The following TXNDC16 variants were observed in gnomAD, a reference collection of about 807,000 sequenced individuals.
TXNDC16 encodes thioredoxin domain containing 16, also known as thioredoxin domain-containing protein 16.
Under a neutral mutation model 85.6 loss-of-function variants are expected in TXNDC16, and 74 were observed. That is an observed-to-expected ratio of 0.86 (90% CI 0.72 to 1.05). The LOEUF (loss-of-function observed/expected upper bound fraction) is 1.05, where lower values mean the gene tolerates loss of function less well. Among genes scored for constraint, TXNDC16 ranks in the 50% least tolerant of loss-of-function variants. The pLI is 0.00. For synonymous variants in TXNDC16, 335 were observed against 326.5 expected, an observed-to-expected ratio of 1.03 and a Z score of -0.28; for missense variants, 959 against 947.0, an observed-to-expected ratio of 1.01 and a Z score of -0.17.
intron 18 of TXNDC16, among the ~76,000 whole-genome samples, chr14:52,442,961 GA>G (rs1313165824): frequency 2.6e-5 from 4 of 152,144 alleles, no homozygotes; most frequent in Non-Finnish European, 4.4e-5. Flanking sequence ...ATGACAATAA[GA>G]AAACTTATTG....
At position 52,547,388 on chromosome 14, in the gene TXNDC16, A is replaced by G. The variant is rs542790467; in HGVS notation, c.-181-3017T>C. ...TGACATAAATACAGAAATGGAATGT[A>G]AATGTTTAGAACATTTTATAGCAAT... On this transcript the variant is annotated intron_variant, in intron 1 of 20. Coordinates refer to ENST00000281741, the MANE Select transcript of TXNDC16 (RefSeq NM_020784.3). 2.4e-4 allele frequency among the ~76,000 whole-genome samples: 36 copies of G among 152,348 alleles called. 1 individual carries two copies. The South Asian group carries it at 7.3e-3, about 31-fold the overall frequency.
chr14:52,494,683 G>T (rs1002491509), intron 9 of TXNDC16, among the ~76,000 whole-genome samples: 69 of 152,130 alleles, frequency 4.5e-4, no homozygotes, highest in Non-Finnish European at 8.8e-5. Context: ...CAAGAAAATG[G>T]GGCTTTATTG....
chr14:52,529,934 A>T (rs1372315109), intron 6 of TXNDC16, among the ~76,000 whole-genome samples: 1 of 109,976 alleles, frequency 9.1e-6, no homozygotes, highest in Non-Finnish European at 1.6e-5. Context: ...TATATATATT[A>T]TATATATGAA....
At chr14:52,461,524 T>C (rs774081902) in intron 16 of TXNDC16, among the ~76,000 whole-genome samples, 2 of 152,202 alleles carry the variant, frequency 1.3e-5, no homozygotes, top group Non-Finnish European at 2.9e-5. Context: ...ATGACACAGG[T>C]ACCCTCCTTA....
intron 9 of TXNDC16, among the ~76,000 whole-genome samples, chr14:52,494,749 T>C (rs2036492599): frequency 6.6e-6 from 1 of 152,228 alleles, no homozygotes; most frequent in South Asian, 2.1e-4. Flanking sequence ...ACATATATAT[T>C]TTTAAAATAT....
chr14:52,508,834 G>A lies in TXNDC16; in HGVS notation c.756+2406C>T, dbSNP rs1026835044. 5.3e-5 allele frequency among the ~76,000 whole-genome samples: 8 copies of A among 151,872 alleles called. No homozygotes were observed. The South Asian group carries it at 1.0e-3, about 20-fold the overall frequency. ...TGCAAGGACAAAAAAACCAAACACC[G>A]CATGTTCTTACTTATTGACAAAAGA... On this transcript the variant is annotated intron_variant, in intron 9 of 20. Coordinates refer to ENST00000281741, the MANE Select transcript of TXNDC16 (RefSeq NM_020784.3).
intron 15 of TXNDC16, 56 bp downstream of exon 15, chr14:52,470,456 T>C (rs2035879894): frequency 7.8e-6 from 12 of 1,536,188 alleles, no homozygotes; most frequent in Non-Finnish European, 1.1e-5. Context: ...GTCTGAGAAT[T>C]AGAACTTCTA....
intron 6 of TXNDC16, among the ~76,000 whole-genome samples, chr14:52,529,657 A>G (rs1289517833): frequency 2.8e-5 from 3 of 105,976 alleles, no homozygotes. Context: ...TATATTATAT[A>G]TAATGCCTAT....
At chr14:52,539,255 T>C (rs1220907861) in intron 4 of TXNDC16, among the ~76,000 whole-genome samples, 1 of 152,168 alleles carries the variant, frequency 6.6e-6, no homozygotes, top group African/African-American at 2.4e-5. Flanking sequence ...TCTGAAAAAG[T>C]GACATTTGCA....
At chr14:52,465,488 A>C (rs920324238) in intron 16 of TXNDC16, among the ~76,000 whole-genome samples, 1 of 151,470 alleles carries the variant, frequency 6.6e-6, no homozygotes, top group African/African-American at 2.4e-5. Context: ...ACTACTCGGG[A>C]GACTGAGGCA....
intron 18 of TXNDC16, among the ~76,000 whole-genome samples, chr14:52,442,076 A>C (rs2035178542): frequency 6.6e-6 from 1 of 152,130 alleles, no homozygotes; most frequent in South Asian, 2.1e-4. Context: ...GAAAGAAAAA[A>C]AATAAAAGAG....
intron 9 of TXNDC16, among the ~76,000 whole-genome samples, chr14:52,497,681 A>G (rs1490808109): frequency 6.6e-6 from 1 of 152,164 alleles, no homozygotes; most frequent in Admixed American, 6.5e-5. Context: ...GGAGTTCGAG[A>G]CCAGCCTGGG....
chr14:52,457,604 A>G lies in TXNDC16; in HGVS notation c.1619-430T>C, dbSNP rs540587421. Among the ~76,000 whole-genome samples the G allele has an allele frequency of 7.2e-5, 11 of 152,340 alleles. No homozygotes were observed. The South Asian group carries it at 2.3e-3, about 32-fold the overall frequency. On this transcript the variant is annotated intron_variant, in intron 16 of 20. Transcript: ENST00000281741. The stretch of plus-strand genomic sequence containing the variant: ...AATCTGAAAGTATCTATATGCATAA[A>G]AAATAGCAGACTGAAAATTCTAGCC...
intron 18 of TXNDC16, among the ~76,000 whole-genome samples, chr14:52,443,826 C>G (rs941690226): frequency 6.6e-6 from 1 of 152,154 alleles, no homozygotes; most frequent in African/African-American, 2.4e-5. Context: ...AAGGACCCTA[C>G]TCTTTCCTAT....
In TXNDC16 at chr14:52,456,301, G is replaced by A. The variant is rs527319922; in HGVS notation, c.1703+789C>T. Among the ~76,000 whole-genome samples, 7 of 152,268 alleles carry A rather than the reference G, an allele frequency of 4.6e-5. No homozygotes were observed. The South Asian group carries it at 1.5e-3, about 32-fold the overall frequency. ...GGTCTAGCTCTTTGGACCACAGCTA[G>A]ACGCACAATGACAGCAGAGTAGAAG... is the stretch of plus-strand genomic sequence containing the variant. On this transcript the variant is annotated intron_variant, in intron 17 of 20. Transcript: ENST00000281741.
intron 18 of TXNDC16, among the ~76,000 whole-genome samples, chr14:52,453,795 A>G (rs2035465963): frequency 6.6e-6 from 1 of 152,262 alleles, no homozygotes; most frequent in Admixed American, 6.5e-5. Context: ...ACTAATTTAC[A>G]TTCCCACCAA....
chr14:52,455,317 TACTC>T lies in TXNDC16; in HGVS notation c.1842+3_1842+6del. 2 of 1,613,320 alleles carry T rather than the reference TACTC, an allele frequency of 1.2e-6. No individual in the cohort carries two copies. Among genetic ancestry groups the T allele is most frequent in the African/African-American group, 1.3e-5 (1 of 75,030 alleles). On this transcript the variant is annotated splice_donor_5th_base_variant and intron_variant, in intron 18 of 20. Coordinates refer to ENST00000281741, the MANE Select transcript of TXNDC16 (RefSeq NM_020784.3). ...CAAGTATCACCCTTATTATAAAACA[TACTC>T]ACAAACATTTCCAGTAGTGCATCTG... is the stretch of plus-strand genomic sequence containing the variant.
rs1214009959 is a variant in TXNDC16, at chr14:52,504,770, C to A, written c.756+6470G>T. On this transcript the variant is annotated intron_variant, in intron 9 of 20. Transcript: ENST00000281741. ...TAAATGCTCCAATTAAAACACACAGCCTGGCAAATTGGATAAAGAGTCAAG... is the reference window on the plus strand; with the variant it reads ...TAAATGCTCCAATTAAAACACACAGACTGGCAAATTGGATAAAGAGTCAAG... Among the ~76,000 whole-genome samples, 11 of 151,990 alleles carry A rather than the reference C, an allele frequency of 7.2e-5. No homozygotes were observed. In the East Asian group the frequency reaches 7.7e-4, roughly 11 times the overall value.
intron 7 of TXNDC16, among the ~76,000 whole-genome samples, chr14:52,517,701 A>T (rs1362695583): frequency 1.3e-5 from 2 of 148,590 alleles, no homozygotes; most frequent in Non-Finnish European, 3.0e-5. Flanking sequence ...TGCTCCACCA[A>T]CTCCCCCCTT....
Sources: gnomAD v4.1 joint callset for allele counts (sites outside exome capture counted in the v4.1 genomes callset) on GRCh38, gnomAD v4.1.1 for gene constraint, MANE v1.5 for transcripts, NCBI Gene and HGNC (gene_info 2026-07-23, HGNC 2026-07-21) for gene names.